The following UNC5D variants were observed in gnomAD, a reference collection of about 807,000 sequenced individuals.
UNC5D encodes the protein unc-5 netrin receptor D, also known as netrin receptor UNC5D.
UNC5D carries 39 observed loss-of-function variants against 105.4 expected under a neutral mutation model. The ratio of observed to expected loss-of-function variants is 0.37; its 90% CI spans 0.29 to 0.48. The LOEUF (loss-of-function observed/expected upper bound fraction) is 0.48, where lower values mean the gene tolerates loss of function less well. Among genes scored for constraint, UNC5D ranks in the 20% least tolerant of loss-of-function variants. UNC5D has a pLI of 0.98. For synonymous variants in UNC5D, 452 were observed against 450.4 expected, an observed-to-expected ratio of 1.00 and a Z score of -0.04; for missense variants, 991 against 1,202.4, an observed-to-expected ratio of 0.82 and a Z score of 2.60.
At chr8:35,453,700 A>G (rs1054824505) in intron 1 of UNC5D, among the ~76,000 whole-genome samples, 2 of 152,152 alleles carry the variant, frequency 1.3e-5, no homozygotes, top group African/African-American at 4.8e-5. Context: ...CACTCCTTGC[A>G]GGCCTCTTGG....
chr8:35,602,960 G>A (rs1820000232), intron 4 of UNC5D, among the ~76,000 whole-genome samples: 1 of 146,730 alleles, frequency 6.8e-6, no homozygotes, highest in South Asian at 2.1e-4. Flanking sequence ...ATCTATGAGT[G>A]AGAATATGGG....
chr8:35,267,016 G>A (rs1392587219), intron 1 of UNC5D, among the ~76,000 whole-genome samples: 1 of 151,388 alleles, frequency 6.6e-6, no homozygotes, highest in Non-Finnish European at 1.5e-5. Context: ...TGGAGACATA[G>A]AACTCACCTC....
chr8:35,505,746 T>G (rs1471848772), intron 1 of UNC5D, among the ~76,000 whole-genome samples: 1 of 152,202 alleles, frequency 6.6e-6, no homozygotes, highest in East Asian at 1.9e-4. Context: ...GTTTTATTTT[T>G]AAACCGAAGC....
intron 1 of UNC5D, among the ~76,000 whole-genome samples, chr8:35,303,256 T>G (rs1483130933): frequency 6.6e-6 from 1 of 152,182 alleles, no homozygotes; most frequent in Non-Finnish European, 1.5e-5. Context: ...GTTGAAATAA[T>G]AGGTTTATAG....
At chr8:35,552,242 A>G (rs1459346322) in intron 2 of UNC5D, among the ~76,000 whole-genome samples, 2 of 152,298 alleles carry the variant, frequency 1.3e-5, no homozygotes, top group East Asian at 3.9e-4. Context: ...TATTTTATAC[A>G]TTAAAATGTT....
At chr8:35,466,840 C>T (rs985499346) in intron 1 of UNC5D, among the ~76,000 whole-genome samples, 3 of 152,152 alleles carry the variant, frequency 2.0e-5, no homozygotes, top group African/African-American at 7.2e-5. Flanking sequence ...ACTGCATGCT[C>T]CCAAGTGCAG....
chr8:35,634,848 C>T (rs992404293), intron 4 of UNC5D, among the ~76,000 whole-genome samples: 5 of 151,582 alleles, frequency 3.3e-5, no homozygotes, highest in African/African-American at 9.7e-5. Context: ...CTCACGGCAA[C>T]CTCCGACTAC....
At chr8:35,488,097 A>T (rs1294095932) in intron 1 of UNC5D, among the ~76,000 whole-genome samples, 2 of 152,236 alleles carry the variant, frequency 1.3e-5, no homozygotes, top group Admixed American at 6.5e-5. Flanking sequence ...GAAAATTCTC[A>T]GCCTATCTAT....
At chr8:35,749,152 G>A (rs1830141444) in intron 12 of UNC5D, among the ~76,000 whole-genome samples, 1 of 152,046 alleles carries the variant, frequency 6.6e-6, no homozygotes, top group South Asian at 2.1e-4. Flanking sequence ...ACACATTTAG[G>A]GCTTAATATT....
intron 16 of UNC5D, among the ~76,000 whole-genome samples, chr8:35,775,426 G>A (rs1374411499): frequency 6.6e-6 from 1 of 152,102 alleles, no homozygotes. Flanking sequence ...CAGGGGTGAT[G>A]CTCTTCAGGG....
At chr8:35,440,860 A>G (rs1172336966) in intron 1 of UNC5D, among the ~76,000 whole-genome samples, 1 of 151,956 alleles carries the variant, frequency 6.6e-6, no homozygotes, top group African/African-American at 2.4e-5. Context: ...ATGTGTTTTC[A>G]TACATACCGA....
chr8:35,247,657 AAATATATAT>A (rs1327713709), intron 1 of UNC5D, among the ~76,000 whole-genome samples: 1 of 44,034 alleles, frequency 2.3e-5, no homozygotes, highest in South Asian at 9.1e-4. Flanking sequence ...ATTATATATA[AAATATATAT>A]AATATATAAA....
rs188742477 is a variant in UNC5D, at chr8:35,685,545, A to G, written c.919+796A>G. Among the ~76,000 whole-genome samples the G allele has an allele frequency of 3.5e-4, 54 of 152,324 alleles. No individual in the cohort carries two copies. The East Asian group carries it at 9.3e-3, about 26-fold the overall frequency. On this transcript the variant is annotated intron_variant, in intron 6 of 16. Coordinates refer to ENST00000404895, the MANE Select transcript of UNC5D (RefSeq NM_080872.4). Reference sequence around the variant, plus strand: ...GCAAATTTAGTTGCAATCGAAGTTAAGGTGGGGCTCTTCCTAGCAGCATAT... The same window carrying G: ...GCAAATTTAGTTGCAATCGAAGTTAGGGTGGGGCTCTTCCTAGCAGCATAT...
intron 2 of UNC5D, among the ~76,000 whole-genome samples, chr8:35,561,637 G>T (rs1246568796): frequency 6.6e-6 from 1 of 152,122 alleles, no homozygotes; most frequent in Non-Finnish European, 1.5e-5. Context: ...GAACCATTTT[G>T]AGATAGTGAT....
intron 1 of UNC5D, among the ~76,000 whole-genome samples, chr8:35,280,673 C>A (rs747491847): frequency 6.6e-6 from 1 of 152,140 alleles, no homozygotes; most frequent in Non-Finnish European, 1.5e-5. Flanking sequence ...CCTCTTAAAA[C>A]AAATTGTATC....
intron 4 of UNC5D, among the ~76,000 whole-genome samples, chr8:35,627,549 A>C (rs1338674919): frequency 1.3e-5 from 2 of 152,152 alleles, no homozygotes; most frequent in African/African-American, 4.8e-5. Context: ...TTTTGTTTCC[A>C]TGGAAAATGA....
chr8:35,657,080 GTATATATATATATATATATATATATATA>G (rs3077002), intron 4 of UNC5D, among the ~76,000 whole-genome samples: 17 of 46,520 alleles, frequency 3.7e-4, no homozygotes, highest in East Asian at 2.4e-3. Flanking sequence ...GTGTGTGTGT[GTATATATATATATATATATATATATATA>G]TATATATATA....
intron 1 of UNC5D, among the ~76,000 whole-genome samples, chr8:35,356,861 G>T (rs1801586441): frequency 6.6e-6 from 1 of 152,126 alleles, no homozygotes; most frequent in African/African-American, 2.4e-5. Flanking sequence ...AGCATCAACA[G>T]CATAGATCCA....
At chr8:35,443,966 TGTAA>T (rs968549153) in intron 1 of UNC5D, among the ~76,000 whole-genome samples, 15 of 152,152 alleles carry the variant, frequency 9.9e-5, no homozygotes, top group African/African-American at 3.6e-4. Flanking sequence ...TGATATTTAT[TGTAA>T]GTGTTTTTTC....
Sources: allele counts gnomAD v4.1 joint callset (sites outside exome capture counted in the v4.1 genomes callset), GRCh38; gene constraint gnomAD v4.1.1; transcripts MANE v1.5; gene names NCBI Gene and HGNC (gene_info 2026-07-23, HGNC 2026-07-21).